Variants in ATP2B2 observed in about 807,000 individuals in gnomAD.
ATP2B2 encodes ATPase plasma membrane Ca2+ transporting 2, also known as plasma membrane calcium-transporting ATPase 2.
Under a neutral mutation model 120.0 loss-of-function variants are expected in ATP2B2, and 15 were observed. That is an observed-to-expected ratio of 0.12 (90% CI 0.08 to 0.19). ATP2B2 has a LOEUF of 0.19. Among genes scored for constraint, ATP2B2 ranks in the 10% least tolerant of loss-of-function variants. The probability of loss-of-function intolerance (pLI) is 1.00; values close to 1 mark genes in which losing one functional copy is unlikely to be tolerated. For synonymous variants in ATP2B2, 694 were observed against 700.3 expected, an observed-to-expected ratio of 0.99 and a Z score of 0.14; for missense variants, 1,045 against 1,719.8, an observed-to-expected ratio of 0.61 and a Z score of 6.94.
intron 3 of ATP2B2, among the ~76,000 whole-genome samples, chr3:10,532,669 G>T (rs1411353997): frequency 6.6e-6 from 1 of 152,206 alleles, no homozygotes; most frequent in Non-Finnish European, 1.5e-5. Flanking sequence ...ATTATGTAAT[G>T]TGTTTGGAAA....
At chr3:10,575,182 A>C (rs1219701844) in intron 2 of ATP2B2, among the ~76,000 whole-genome samples, 1 of 152,168 alleles carries the variant, frequency 6.6e-6, no homozygotes, top group African/African-American at 2.4e-5. Flanking sequence ...CCCTCCTCCC[A>C]CCACTTAGGC....
chr3:10,411,082 G>C (rs2062595067), intron 2 of ATP2B2, among the ~76,000 whole-genome samples: 1 of 152,178 alleles, frequency 6.6e-6, no homozygotes, highest in African/African-American at 2.4e-5. Flanking sequence ...TGGGAAAATA[G>C]TCCTGTTGTT....
intron 1 of ATP2B2, among the ~76,000 whole-genome samples, chr3:10,650,516 A>G (rs745760379): frequency 6.6e-6 from 1 of 152,230 alleles, no homozygotes; most frequent in Non-Finnish European, 1.5e-5. Flanking sequence ...TGAAAATCCC[A>G]TTTTCTGAGG....
intron 1 of ATP2B2, among the ~76,000 whole-genome samples, chr3:10,697,003 C>T (rs183060530): frequency 1.3e-5 from 2 of 152,242 alleles, no homozygotes; most frequent in Admixed American, 1.3e-4. Flanking sequence ...CATCATTTTA[C>T]AGATGGAAAA....
rs150290539 is a variant in ATP2B2 at position 10,643,466 on chromosome 3, T to C, written c.-459-23505A>G. Among the ~76,000 whole-genome samples, 110 of 152,220 alleles carry C rather than the reference T, an allele frequency of 7.2e-4. 1 individual carries two copies. The highest frequency in any genetic ancestry group is 1.3e-3 in the Non-Finnish European group (90 of 68,016). On this transcript the variant is annotated intron_variant, in intron 1 of 21. Transcript: ENST00000646379. The stretch of plus-strand genomic sequence containing the variant: ...TAGTCTTCAAGCATCTCCCCACAGA[T>C]TGGGGAGAAAATAATAATGATGCAG...
intron 1 of ATP2B2, among the ~76,000 whole-genome samples, chr3:10,631,299 G>A (rs1471642296): frequency 1.3e-5 from 2 of 152,280 alleles, no homozygotes; most frequent in African/African-American, 2.4e-5. Flanking sequence ...TTTTATATCC[G>A]AATGTGGCTG....
chr3:10,421,059 A>G (rs1424007218), intron 2 of ATP2B2, among the ~76,000 whole-genome samples: 1 of 152,086 alleles, frequency 6.6e-6, no homozygotes, highest in African/African-American at 2.4e-5. Flanking sequence ...GCCCACCCAG[A>G]CCTACTGAGT....
At chr3:10,605,129 C>A (rs974259641) in intron 2 of ATP2B2, among the ~76,000 whole-genome samples, 8 of 152,194 alleles carry the variant, frequency 5.3e-5, no homozygotes, top group African/African-American at 1.9e-4. Context: ...GAGTATGAGC[C>A]CACTCCACAT....
intron 1 of ATP2B2, among the ~76,000 whole-genome samples, chr3:10,694,309 A>T (rs926594037): frequency 1.3e-5 from 2 of 152,172 alleles, no homozygotes; most frequent in African/African-American, 4.8e-5. Flanking sequence ...CTACCCCTTT[A>T]CAGCCGAATG....
chr3:10,589,227 A>C (rs1359932663), intron 2 of ATP2B2, among the ~76,000 whole-genome samples: 8 of 152,258 alleles, frequency 5.3e-5, no homozygotes, highest in Admixed American at 5.2e-4. Flanking sequence ...GGATAAATGG[A>C]GTGGCCCAGA....
At chr3:10,399,182 C>G (rs748542058) in intron 5 of ATP2B2, among the ~76,000 whole-genome samples, 13 of 152,224 alleles carry the variant, frequency 8.5e-5, no homozygotes, top group African/African-American at 1.2e-4. Flanking sequence ...GCCACTGCCC[C>G]CAAGGATGCT....
At chr3:10,649,616 T>C (rs1262500836) in intron 1 of ATP2B2, among the ~76,000 whole-genome samples, 1 of 152,004 alleles carries the variant, frequency 6.6e-6, no homozygotes, top group Non-Finnish European at 1.5e-5. Context: ...GATGGATGGG[T>C]GAATGGACAG....
intron 2 of ATP2B2, among the ~76,000 whole-genome samples, chr3:10,581,466 C>T (rs778099689): frequency 4.6e-5 from 7 of 152,034 alleles, no homozygotes; most frequent in South Asian, 2.1e-4. Context: ...ACGAGCCAGC[C>T]GGGGAGCGCT....
At chr3:10,625,895 A>ACCC (rs2069684958) in intron 1 of ATP2B2, 1 of 152,278 alleles carries the variant, frequency 6.6e-6, no homozygotes, top group South Asian at 2.1e-4. Flanking sequence ...AGGATGCAGT[A>ACCC]TCCACCCAGG....
Position 10,340,329 on chromosome 3 carries a change from T to A in ATP2B2, c.3150A>T (p.Gly1050=), listed in dbSNP as rs1222023948. 5.6e-6 allele frequency: 9 copies of A among 1,613,996 alleles called. No individual in the cohort carries two copies. Among genetic ancestry groups the A allele is most frequent in the Non-Finnish European group, 7.6e-6 (9 of 1,180,038 alleles). ...GTGGAGAGCAGCTGAATGGCTTCCCTCCAAACTGCACGATCACTATCTGGA... is the reference window on the plus strand; with the variant it reads ...GTGGAGAGCAGCTGAATGGCTTCCCACCAAACTGCACGATCACTATCTGGA... ...FAIQIVIVQF[G]GKPFSCSPLQ... is the part of the protein sequence containing the mutation. Residue 1050 remains glycine, a synonymous_variant, in exon 21 of 23, where the codon GGA becomes GGT. Coordinates refer to ENST00000360273, the MANE Select transcript of ATP2B2 (RefSeq NM_001001331.4). This position sits in a 1 kb window ranked among gnomAD's most constrained non-coding sequence, Gnocchi z 5.0.
chr3:10,368,660 C>T lies in ATP2B2; in HGVS notation c.1659+3149G>A, dbSNP rs114531902. Among the ~76,000 whole-genome samples the T allele has an allele frequency of 2.6e-3, 398 of 151,960 alleles. 1 individual carries two copies. The highest frequency in any genetic ancestry group is 9.2e-3 in the African/African-American group (382 of 41,430). ...TCCACCCATCCATCCATCTATTCAT[C>T]CATCCACCCATCCATCCACCTAACC... On this transcript the variant is annotated intron_variant, in intron 12 of 22. Coordinates refer to ENST00000360273, the MANE Select transcript of ATP2B2 (RefSeq NM_001001331.4).
chr3:10,355,050 G>A (rs1288168135), intron 14 of ATP2B2, among the ~76,000 whole-genome samples: 2 of 152,130 alleles, frequency 1.3e-5, no homozygotes, highest in Non-Finnish European at 2.9e-5. Context: ...GGAACCAGGG[G>A]GCTAGAGGGG....
intron 10 of ATP2B2, among the ~76,000 whole-genome samples, 168 bp downstream of exon 10, chr3:10,378,084 C>T (rs143294089): frequency 2.6e-5 from 4 of 152,370 alleles, no homozygotes; most frequent in African/African-American, 9.6e-5. Context: ...GGAGTGCCTT[C>T]TGTACACAGG....
chr3:10,338,677 C>A, intron 21 of ATP2B2: 1 of 380,352 alleles, frequency 2.6e-6, no homozygotes, highest in Non-Finnish European at 5.0e-6. Context: ...GCTTTGAATA[C>A]CCCAGACAAC....
Sources: allele counts gnomAD v4.1 joint callset (sites outside exome capture counted in the v4.1 genomes callset), GRCh38; gene constraint gnomAD v4.1.1; non-coding constraint Gnocchi (gnomAD v3.1); transcripts MANE v1.5; gene names NCBI Gene and HGNC (gene_info 2026-07-23, HGNC 2026-07-21).